The following CTNND2 variants were observed in gnomAD, a reference collection of about 807,000 sequenced individuals.
CTNND2 encodes the protein catenin delta 2.
CTNND2 carries 22 observed loss-of-function variants against 144.4 expected under a neutral mutation model. That is an observed-to-expected ratio of 0.15 (90% CI 0.11 to 0.22). CTNND2 has a LOEUF of 0.22. CTNND2 is among the 10% of genes least tolerant of loss of function. The pLI is 1.00. For missense variants in CTNND2, 1,353 were observed against 1,618.8 expected (o/e 0.84, Z 2.82); for synonymous variants, 751 against 695.6 (o/e 1.08, Z -1.25).
chr5:11,704,049 G>A (rs56144927), intron 2 of CTNND2, among the ~76,000 whole-genome samples: 11,921 of 152,146 alleles, frequency 0.078, 1,536 homozygotes, highest in African/African-American at 0.27. Context: ...CTCATTCAGA[G>A]GACAGGGAAA....
intron 9 of CTNND2, among the ~76,000 whole-genome samples, chr5:11,289,745 G>A (rs1286264819): frequency 6.6e-6 from 1 of 152,114 alleles, no homozygotes; most frequent in East Asian, 1.9e-4. Context: ...CTCTTTCCAC[G>A]GTTCCCATCT....
intron 2 of CTNND2, among the ~76,000 whole-genome samples, chr5:11,581,616 T>C (rs1449754027): frequency 6.6e-6 from 1 of 152,228 alleles, no homozygotes; most frequent in Non-Finnish European, 1.5e-5. Flanking sequence ...ATCTGCAGAA[T>C]CTCTGGTGGT....
At chr5:11,012,965 A>G (rs1255363375) in intron 18 of CTNND2, among the ~76,000 whole-genome samples, 1 of 152,228 alleles carries the variant, frequency 6.6e-6, no homozygotes, top group Non-Finnish European at 1.5e-5. Flanking sequence ...ACATATTAGA[A>G]TTCAGCATGT....
At chr5:11,567,366 A>G (rs1452135457) in intron 2 of CTNND2, among the ~76,000 whole-genome samples, 1 of 152,058 alleles carries the variant, frequency 6.6e-6, no homozygotes, top group Non-Finnish European at 1.5e-5. Context: ...TTCAGCTTGG[A>G]TATCTGGCTT....
chr5:11,057,319 G>A (rs1329093547), intron 16 of CTNND2, among the ~76,000 whole-genome samples: 2 of 152,202 alleles, frequency 1.3e-5, no homozygotes, highest in African/African-American at 2.4e-5. Flanking sequence ...CAATTCCCAC[G>A]TGTTGTTGGA....
chr5:11,012,307 T>A (rs768042440), intron 18 of CTNND2, among the ~76,000 whole-genome samples: 1 of 151,946 alleles, frequency 6.6e-6, no homozygotes, highest in African/African-American at 2.4e-5. Context: ...AACACAAAGG[T>A]CAAGGAAAGA....
In CTNND2 at chr5:11,200,804, G is replaced by A. The variant is rs573255976; in HGVS notation, c.1762-1143C>T. Among the ~76,000 whole-genome samples the A allele has an allele frequency of 1.9e-4, 29 of 152,206 alleles. No homozygotes were observed. The East Asian group carries it at 2.7e-3, about 14-fold the overall frequency. On this transcript the variant is annotated intron_variant, in intron 10 of 21. Coordinates refer to ENST00000304623, the MANE Select transcript of CTNND2 (RefSeq NM_001332.4). ...CGCCATTCTCCTGCCTCAGCCTCCCGAGTAACTGGGACTATAGGCGTCCGC... is the reference window on the plus strand; with the variant it reads ...CGCCATTCTCCTGCCTCAGCCTCCCAAGTAACTGGGACTATAGGCGTCCGC...
At chr5:11,850,536 A>G (rs1341172593) in intron 1 of CTNND2, among the ~76,000 whole-genome samples, 1 of 152,206 alleles carries the variant, frequency 6.6e-6, no homozygotes, top group East Asian at 1.9e-4. Flanking sequence ...GGCAGGAGAC[A>G]TTGTATCGGG....
rs563319422 is a variant in CTNND2 at position 11,320,028 on chromosome 5, T to C, written c.1628+26344A>G. Among the ~76,000 whole-genome samples the C allele has an allele frequency of 3.9e-5, 6 of 152,272 alleles. No individual in the cohort carries two copies. In the South Asian group the frequency reaches 1.0e-3, roughly 26 times the overall value. On this transcript the variant is annotated intron_variant, in intron 9 of 21. Transcript: ENST00000304623. ...GCACTGAGCTGAACTCTGAGAACAC[T>C]AATCACATTTGAAATGGAAACGACA... is the stretch of plus-strand genomic sequence containing the variant.
At chr5:11,512,648 C>T (rs900970862) in intron 3 of CTNND2, among the ~76,000 whole-genome samples, 1 of 152,224 alleles carries the variant, frequency 6.6e-6, no homozygotes, top group Non-Finnish European at 1.5e-5. Context: ...TGCCTTCCAT[C>T]ACTCTCCCTA....
chr5:11,484,016 G>A (rs1768547886), intron 3 of CTNND2, among the ~76,000 whole-genome samples: 1 of 152,172 alleles, frequency 6.6e-6, no homozygotes, highest in Non-Finnish European at 1.5e-5. Flanking sequence ...AACAATAGAG[G>A]CACAAATTTG....
intron 9 of CTNND2, among the ~76,000 whole-genome samples, chr5:11,266,922 A>C (rs1428786027): frequency 6.6e-6 from 1 of 152,216 alleles, no homozygotes; most frequent in Non-Finnish European, 1.5e-5. Flanking sequence ...TCTGTTGCCC[A>C]GGCTGGAGTG....
intron 3 of CTNND2, among the ~76,000 whole-genome samples, chr5:11,439,870 T>C (rs916537382): frequency 1.3e-5 from 2 of 152,002 alleles, no homozygotes; most frequent in Non-Finnish European, 2.9e-5. Context: ...AGGGTCTTGT[T>C]ATGTTGCTCA....
intron 2 of CTNND2, among the ~76,000 whole-genome samples, chr5:11,629,241 G>T (rs931676949): frequency 4.0e-5 from 6 of 151,580 alleles, no homozygotes; most frequent in African/African-American, 1.5e-4. Context: ...TGTTGCCACT[G>T]CCTAACCCGG....
intron 1 of CTNND2, among the ~76,000 whole-genome samples, chr5:11,770,444 G>A (rs371845090): frequency 8.0e-5 from 11 of 138,156 alleles, no homozygotes; most frequent in African/African-American, 1.5e-4. Flanking sequence ...AGGAAGGAAG[G>A]AAGGAAGGAA....
intron 18 of CTNND2, among the ~76,000 whole-genome samples, chr5:11,000,354 C>T (rs1302984516): frequency 1.3e-5 from 2 of 152,172 alleles, no homozygotes; most frequent in African/African-American, 4.8e-5. Flanking sequence ...AACCCCGTCT[C>T]TACTAAAAAC....
intron 5 of CTNND2, among the ~76,000 whole-genome samples, chr5:11,398,214 T>C (rs556726193): frequency 2.0e-5 from 3 of 152,342 alleles, no homozygotes; most frequent in Admixed American, 1.3e-4. Context: ...GCATAACCAT[T>C]AAATCATTCT....
At chr5:11,433,937 T>C (rs901612518) in intron 3 of CTNND2, among the ~76,000 whole-genome samples, 20 of 152,160 alleles carry the variant, frequency 1.3e-4, no homozygotes, top group Admixed American at 6.5e-5. Flanking sequence ...ACTAAACATA[T>C]ACATACCCAA....
At chr5:11,755,791 G>C (rs1019608457) in intron 1 of CTNND2, among the ~76,000 whole-genome samples, 2 of 151,294 alleles carry the variant, frequency 1.3e-5, no homozygotes, top group African/African-American at 4.8e-5. Flanking sequence ...AGGTCAGTTT[G>C]GTTCTTTCTT....
Sources: allele counts gnomAD v4.1 joint callset (sites outside exome capture counted in the v4.1 genomes callset), GRCh38; gene constraint gnomAD v4.1.1; transcripts MANE v1.5; gene names NCBI Gene and HGNC (gene_info 2026-07-23, HGNC 2026-07-21).